The following AMDHD2 variants were observed in gnomAD, a reference collection of about 807,000 sequenced individuals.
AMDHD2 encodes N-acetylglucosamine-6-phosphate deacetylase.
In AMDHD2, 24 loss-of-function variants were observed where a neutral mutation model predicts 41.8. That is an observed-to-expected ratio of 0.57 (90% CI 0.42 to 0.81). AMDHD2 has a LOEUF of 0.81. Among genes scored for constraint, AMDHD2 ranks in the 30% least tolerant of loss-of-function variants. The probability of loss-of-function intolerance (pLI) is 0.00; values close to 1 mark genes in which losing one functional copy is unlikely to be tolerated. For synonymous variants in AMDHD2, 332 were observed against 255.5 expected, an observed-to-expected ratio of 1.30 and a Z score of -2.85; for missense variants, 540 against 588.5, an observed-to-expected ratio of 0.92 and a Z score of 0.85.
chr16:2,522,677 A>C (rs1224300819), intron 3 of AMDHD2, among the ~76,000 whole-genome samples: 1 of 146,006 alleles, frequency 6.8e-6, no homozygotes, highest in Non-Finnish European at 1.5e-5. Flanking sequence ...ACTCCATCTC[A>C]AAAAAAAAAA....
At chr16:2,520,718 C>T (rs1247441602) in intron 1 of AMDHD2, 51 bp from the exon 2 acceptor site, 2 of 1,475,564 alleles carry the variant, frequency 1.4e-6, no homozygotes, top group Non-Finnish European at 1.8e-6. Context: ...GTGCAGGGTG[C>T]GGGGCCGAGG....
chr16:2,527,590 T>TG lies in AMDHD2; in HGVS notation c.392dup (p.Pro132SerfsTer62). Reference sequence around the variant, plus strand: ...TTCCTCAGATCCCTGTGAAGAGTGGTGGTCCCCATGGGGCAGGGGTCCTCG... The same window carrying TG: ...TTCCTCAGATCCCTGTGAAGAGTGGTGGGTCCCCATGGGGCAGGGGTCCTCG... On this transcript the variant is annotated frameshift_variant, in exon 4 of 11. Transcript: ENST00000293971. LOFTEE classifies it high-confidence loss of function. The surrounding 1 kb of genome is among the most constrained non-coding windows in gnomAD (Gnocchi z 6.1). 6.2e-7 allele frequency: 1 copy of TG among 1,613,176 alleles called. No homozygotes were observed. The highest frequency in any genetic ancestry group is 8.5e-7 in the Non-Finnish European group (1 of 1,179,704).
intron 8 of AMDHD2, 30 bp from the exon 9 acceptor site, chr16:2,528,620 C>T (rs150329695): frequency 6.2e-7 from 1 of 1,612,958 alleles, no homozygotes; most frequent in South Asian, 1.1e-5. Context: ...GCCCACGACC[C>T]CCCCAGAGCC....
rs748734289 is a variant in AMDHD2 at position 2,530,698 on chromosome 16, C to T, written c.*1135C>T. On this transcript the variant is annotated 3_prime_UTR_variant, in exon 11 of 11. Coordinates refer to ENST00000293971, the MANE Select transcript of AMDHD2 (RefSeq NM_001330449.2). ...GTCCAAAGAGATAGGATGGTCTGGG[C>T]CCCACCTGTTGGAAGGGAACAGCCA... 2 of 1,614,080 alleles carry T rather than the reference C, an allele frequency of 1.2e-6. No individual in the cohort carries two copies. The highest frequency in any genetic ancestry group is 1.1e-5 in the South Asian group (1 of 91,080).
Position 2,520,519 on chromosome 16 carries a change from C to A in AMDHD2, c.61C>A (p.Leu21Met). The A allele has an allele frequency of 8.1e-7, 1 of 1,228,518 alleles. No individual in the cohort carries two copies. Among genetic ancestry groups the A allele is most frequent in the East Asian group, 3.3e-5 (1 of 30,436 alleles). The allele number at this position is 1,228,518 out of a possible 1,614,324, so 76.1% of individuals were successfully genotyped here. The change falls in exon 1 of 11, where the codon CTG becomes ATG. Residue 21 changes from leucine (L) to methionine (M), a missense_variant. By Grantham distance (15) the Leu-to-Met change is conservative. Transcript: ENST00000293971. ...GCTCCAGTTCACTAACTGCCGGATCCTGCGCGGAGGGAAACTGCTCAGGTG... is the reference window on the plus strand; with the variant it reads ...GCTCCAGTTCACTAACTGCCGGATCATGCGCGGAGGGAAACTGCTCAGGTG... The part of the protein sequence containing the change: ...RVLQFTNCRI[L>M]RGGKLLREDL...
At chr16:2,521,412 C>T (rs1448906288) in intron 3 of AMDHD2, among the ~76,000 whole-genome samples, 1 of 152,160 alleles carries the variant, frequency 6.6e-6, no homozygotes, top group Non-Finnish European at 1.5e-5. Context: ...ACTCTGGCTG[C>T]CTCCAGGCTT....
Position 2,521,040 on chromosome 16 carries a change from C to G in AMDHD2, c.277C>G (p.Leu93Val), listed in dbSNP as rs1178881327. ...GGAGGACGTGGGTTCGGGGGTTGCC[C>G]TCGTGGCCCGGAGGATCCTGTCGCA... ...ATEDVGSGVA[L>V]VARRILSHGV... Residue 93 changes from leucine to valine, a missense_variant, in exon 3 of 11, where the codon CTC becomes GTC. Physicochemically the swap from Leu to Val is conservative, Grantham distance 32. Coordinates refer to ENST00000293971, the MANE Select transcript of AMDHD2 (RefSeq NM_001330449.2). 2 of 1,611,298 alleles carry G rather than the reference C, an allele frequency of 1.2e-6. No individual in the cohort carries two copies. Among genetic ancestry groups the G allele is most frequent in the East Asian group, 2.2e-5 (1 of 44,710 alleles).
chr16:2,528,831 C>A, intron 9 of AMDHD2, 113 bp downstream of exon 9: 1 of 1,551,324 alleles, frequency 6.4e-7, no homozygotes, highest in Non-Finnish European at 8.7e-7. Context: ...AGCTCCTGGG[C>A]ATTGGGTACT....
Position 2,530,185 on chromosome 16 carries a change from G to T in AMDHD2, c.*622G>T. On this transcript the variant is annotated 3_prime_UTR_variant, in exon 11 of 11. Coordinates refer to ENST00000293971, the MANE Select transcript of AMDHD2 (RefSeq NM_001330449.2). ...TGTTTTCTGCTCCCTGGACTGCCTA[G>T]CCCTGAGTGCCACGGATGACCAGCG... 2.4e-5 allele frequency: 35 copies of T among 1,488,964 alleles called. No individual in the cohort carries two copies. Among genetic ancestry groups the T allele is most frequent in the Non-Finnish European group, 3.0e-5 (34 of 1,119,064 alleles). The allele number at this position is 1,488,964 out of a possible 1,614,324, so 92.2% of individuals were successfully genotyped here.
rs572767182 is a variant in AMDHD2 at position 2,528,510 on chromosome 16, G to C, written c.921G>C (p.Thr307=). ...PALGLGNGRH[T]LGQQEVEVDG... ...TGGGCCTGGGCAACGGCCGGCACAC[G>C]CTGGGACAGCAGGAAGTGGAAGTGG... is the stretch of plus-strand genomic sequence containing the variant. The change falls in exon 8 of 11, where the codon ACG becomes ACC. Residue 307 remains threonine (T), a synonymous_variant. Coordinates refer to ENST00000293971, the MANE Select transcript of AMDHD2 (RefSeq NM_001330449.2). The C allele has an allele frequency of 6.2e-7, 1 of 1,612,734 alleles. No individual in the cohort carries two copies. Among genetic ancestry groups the C allele is most frequent in the African/African-American group, 1.3e-5 (1 of 74,934 alleles).
Position 2,527,446 on chromosome 16 carries a change from G to A in AMDHD2, c.361-115G>A, listed in dbSNP as rs2066017863. 69 of 1,158,186 alleles carry A rather than the reference G, an allele frequency of 6.0e-5. No individual in the cohort carries two copies. The South Asian group carries it at 9.0e-4, about 15-fold the overall frequency. 71.7% of individuals were successfully genotyped at this position (1,158,186 alleles called of 1,614,324 possible). On this transcript the variant is annotated intron_variant, in intron 3 of 10. Coordinates refer to ENST00000293971, the MANE Select transcript of AMDHD2 (RefSeq NM_001330449.2). The surrounding 1 kb of genome is among the most constrained non-coding windows in gnomAD (Gnocchi z 6.1). Reference sequence around the variant, plus strand: ...CCCCTGTGAGGGGACAGGCGGCCGGGGCTGGGCTGGGTGCTGGGCTCTGAA... The same window carrying A: ...CCCCTGTGAGGGGACAGGCGGCCGGAGCTGGGCTGGGTGCTGGGCTCTGAA...
intron 2 of AMDHD2, 31 bp from the exon 3 acceptor site, chr16:2,520,953 C>T (rs1360231932): frequency 6.3e-7 from 1 of 1,596,716 alleles, no homozygotes; most frequent in Admixed American, 1.7e-5. Flanking sequence ...GCTCTGAGCT[C>T]CATGCGACAC....
intron 3 of AMDHD2, among the ~76,000 whole-genome samples, chr16:2,523,594 C>CATA (rs1358244962): frequency 6.6e-6 from 1 of 152,112 alleles, no homozygotes; most frequent in African/African-American, 2.4e-5. Context: ...TCAGTATTAG[C>CATA]CATGGATGTC....
At position 2,520,766 on chromosome 16, in the gene AMDHD2, C is replaced by A. The variant is rs1158669150; in HGVS notation, c.84-3C>A. On this transcript the variant is annotated splice_region_variant and splice_polypyrimidine_tract_variant and intron_variant, in intron 1 of 10. Coordinates refer to ENST00000293971, the MANE Select transcript of AMDHD2 (RefSeq NM_001330449.2). ...TGCGAGCGCCCACCCACTGCGTCCC[C>A]AGGGAGGATCTGTGGGTGCGCGGAG... is the stretch of plus-strand genomic sequence containing the variant. 2 of 1,586,782 alleles carry A rather than the reference C, an allele frequency of 1.3e-6. No homozygotes were observed. The highest frequency in any genetic ancestry group is 1.7e-6 in the Non-Finnish European group (2 of 1,169,054).
In AMDHD2 at chr16:2,528,707, T is replaced by C; in HGVS notation, c.1028T>C (p.Leu343Pro). 2 of 1,612,608 alleles carry C rather than the reference T, an allele frequency of 1.2e-6. No homozygotes were observed. Among genetic ancestry groups the C allele is most frequent in the Non-Finnish European group, 1.7e-6 (2 of 1,179,900 alleles). The change falls in exon 9 of 11, where the codon CTG becomes CCG. Residue 343 changes from leucine (L) to proline (P), a missense_variant. Coordinates refer to ENST00000293971, the MANE Select transcript of AMDHD2 (RefSeq NM_001330449.2). ...ATGGACGTCTGTGTCCGGCACTTCCTGCAGGCCACAGGTCAGTGAGCAGCA... is the reference window on the plus strand; with the variant it reads ...ATGGACGTCTGTGTCCGGCACTTCCCGCAGGCCACAGGTCAGTGAGCAGCA... ...APMDVCVRHF[L>P]QATGCSMESA... is the part of the protein sequence containing the mutation.
chr16:2,531,397 T>C lies in AMDHD2; in HGVS notation c.*1834T>C. 1 of 504,900 alleles carries C rather than the reference T, an allele frequency of 2.0e-6. No individual in the cohort carries two copies. The highest frequency in any genetic ancestry group is 3.6e-6 in the Non-Finnish European group (1 of 276,972). The allele number at this position is 504,900 out of a possible 1,614,324, so 31.3% of individuals were successfully genotyped here. On this transcript the variant is annotated 3_prime_UTR_variant, in exon 11 of 11. Transcript: ENST00000293971. ...TTTTTAAAAATTGTGGTAAAATACA[T>C]AACAAAAGTAACTATCGTAACCTGA...
At chr16:2,528,901 A>G in intron 9 of AMDHD2, 93 bp from the exon 10 acceptor site, 1 of 1,471,384 alleles carries the variant, frequency 6.8e-7, no homozygotes, top group East Asian at 2.5e-5. Context: ...CCTGCTGCAG[A>G]GTCCCTGAGA....
intron 3 of AMDHD2, among the ~76,000 whole-genome samples, chr16:2,522,377 C>T (rs943313346): frequency 6.6e-6 from 1 of 152,118 alleles, no homozygotes; most frequent in African/African-American, 2.4e-5. Context: ...GCCACCACAC[C>T]CGACTAATTT....
chr16:2,521,732 G>T (rs1183023484), intron 3 of AMDHD2, among the ~76,000 whole-genome samples: 1 of 148,614 alleles, frequency 6.7e-6, no homozygotes, highest in Non-Finnish European at 1.5e-5. Flanking sequence ...GTTTTTTACT[G>T]AACTATTTGA....
Sources: gnomAD v4.1 joint callset for allele counts (sites outside exome capture counted in the v4.1 genomes callset) on GRCh38, gnomAD v4.1.1 for gene constraint, Gnocchi (gnomAD v3.1) non-coding constraint, MANE v1.5 for transcripts, NCBI Gene and HGNC (gene_info 2026-07-23, HGNC 2026-07-21) for gene names.